ZFYVE28: variants seen among roughly 807,000 people sequenced by gnomAD.
The protein encoded by ZFYVE28 is lateral signaling target protein 2 homolog.
A neutral mutation model predicts 82.1 loss-of-function variants in ZFYVE28; 40 were observed. That is an observed-to-expected ratio of 0.49 (90% CI 0.38 to 0.63). The LOEUF (loss-of-function observed/expected upper bound fraction) is 0.63, where lower values mean the gene tolerates loss of function less well. Ranked by LOEUF, ZFYVE28 falls within the 30% of genes least tolerant of loss-of-function variation. ZFYVE28 has a pLI of 0.00. For synonymous variants in ZFYVE28, 612 were observed against 546.1 expected (o/e 1.12, Z -1.68); for missense variants, 1,321 against 1,242.1 (o/e 1.06, Z -0.96).
At chr4:2,334,336 G>A (rs771086939) in intron 6 of ZFYVE28, among the ~76,000 whole-genome samples, 29 of 151,986 alleles carry the variant, frequency 1.9e-4, no homozygotes, top group Non-Finnish European at 3.1e-4. Flanking sequence ...GACTGGCCCC[G>A]GCAGCAGCCC....
chr4:2,409,020 C>G lies in ZFYVE28; in HGVS notation c.39+9265G>C, dbSNP rs1271689456. On this transcript the variant is annotated intron_variant, in intron 1 of 12. Transcript: ENST00000290974. This position sits in a 1 kb window ranked among gnomAD's most constrained non-coding sequence, Gnocchi z 4.4. Reference sequence around the variant, plus strand: ...AAAATGTTTTTGTGATTTTATCCAACATGCCTGGGCATCTCGCAGTGGGGA... The same window carrying G: ...AAAATGTTTTTGTGATTTTATCCAAGATGCCTGGGCATCTCGCAGTGGGGA... 2.0e-5 allele frequency among the ~76,000 whole-genome samples: 3 copies of G among 152,176 alleles called. No individual in the cohort carries two copies. The highest frequency in any genetic ancestry group is 4.4e-5 in the Non-Finnish European group (3 of 68,026).
intron 1 of ZFYVE28, among the ~76,000 whole-genome samples, chr4:2,359,289 C>A (rs1725788748): frequency 6.6e-6 from 1 of 151,930 alleles, no homozygotes; most frequent in African/African-American, 2.4e-5. Flanking sequence ...CCAAGGCCAG[C>A]CAATTTTTGT....
At chr4:2,316,705 T>C (rs2108834360) in intron 7 of ZFYVE28, among the ~76,000 whole-genome samples, 1 of 152,058 alleles carries the variant, frequency 6.6e-6, no homozygotes, top group East Asian at 1.9e-4. Flanking sequence ...CTCTCTTTTT[T>C]TTTTTGAGAT....
At chr4:2,301,604 G>A (rs1055594734) in intron 8 of ZFYVE28, among the ~76,000 whole-genome samples, 15 of 152,298 alleles carry the variant, frequency 9.8e-5, no homozygotes, top group Admixed American at 3.3e-4. Flanking sequence ...CTCACGCCAG[G>A]AAGGTGGGAG....
At position 2,371,357 on chromosome 4, in the gene ZFYVE28, C is replaced by T. The variant is rs73793738; in HGVS notation, c.40-17284G>A. 4.0e-3 allele frequency among the ~76,000 whole-genome samples: 588 copies of T among 147,552 alleles called. 6 individuals carry two copies. Among genetic ancestry groups the T allele is most frequent in the African/African-American group, 0.014 (565 of 40,412 alleles). On this transcript the variant is annotated intron_variant, in intron 1 of 12. Transcript: ENST00000290974. Reference sequence around the variant, plus strand: ...TAGAAGCATTTGACTTATAAAGGTGCCCGCCACTAACAGATGATTAAGACG... The same window carrying T: ...TAGAAGCATTTGACTTATAAAGGTGTCCGCCACTAACAGATGATTAAGACG...
chr4:2,274,303 T>G, intron 8 of ZFYVE28, 87 bp from the exon 9 acceptor site: 1 of 1,495,508 alleles, frequency 6.7e-7, no homozygotes, highest in Non-Finnish European at 8.9e-7. Context: ...GACAAAAGTC[T>G]GTGTCCTCGC....
At chr4:2,328,723 T>G (rs1720241465) in intron 6 of ZFYVE28, 1 of 177,810 alleles carries the variant, frequency 5.6e-6, no homozygotes, top group African/African-American at 2.3e-5. Flanking sequence ...ACATTCAGAC[T>G]GGTATTTTAC....
chr4:2,350,837 G>C (rs112454121), intron 2 of ZFYVE28, among the ~76,000 whole-genome samples: 1 of 152,238 alleles, frequency 6.6e-6, no homozygotes, highest in African/African-American at 2.4e-5. Context: ...ACATCCGCCT[G>C]CCAGGAGAAG....
At chr4:2,405,221 T>C (rs1040705762) in intron 1 of ZFYVE28, among the ~76,000 whole-genome samples, 3 of 152,052 alleles carry the variant, frequency 2.0e-5, no homozygotes, top group African/African-American at 7.2e-5. Context: ...AGAGAAGCCA[T>C]GTGTCTTCCC....
At chr4:2,405,293 C>T (rs1203201556) in intron 1 of ZFYVE28, among the ~76,000 whole-genome samples, 1 of 152,220 alleles carries the variant, frequency 6.6e-6, no homozygotes, top group Non-Finnish European at 1.5e-5. Context: ...TTTCCATTCT[C>T]TCCCCACAGT....
chr4:2,398,460 T>C (rs1730723520), intron 1 of ZFYVE28, among the ~76,000 whole-genome samples: 3 of 152,160 alleles, frequency 2.0e-5, no homozygotes, highest in African/African-American at 4.8e-5. Flanking sequence ...GGAGAGGTCA[T>C]GGCAGGTTTT....
At chr4:2,349,860 G>A (rs1198657572) in intron 2 of ZFYVE28, among the ~76,000 whole-genome samples, 2 of 152,116 alleles carry the variant, frequency 1.3e-5, no homozygotes, top group African/African-American at 2.4e-5. Context: ...CTATGAGTAG[G>A]TGGCAACTGC....
chr4:2,412,875 G>T (rs1732664079), intron 1 of ZFYVE28, among the ~76,000 whole-genome samples: 1 of 152,200 alleles, frequency 6.6e-6, no homozygotes, highest in Non-Finnish European at 1.5e-5. Flanking sequence ...AAGACACTCA[G>T]CCTGTGGGGC....
intron 1 of ZFYVE28, among the ~76,000 whole-genome samples, chr4:2,369,326 A>G (rs1301991600): frequency 2.6e-5 from 4 of 152,186 alleles, no homozygotes; most frequent in African/African-American, 7.2e-5. Flanking sequence ...CACCAAAGCC[A>G]TGGGCAAGTG....
chr4:2,374,660 GA>G (rs1296828642), intron 1 of ZFYVE28, among the ~76,000 whole-genome samples: 1 of 151,652 alleles, frequency 6.6e-6, no homozygotes, highest in Admixed American at 6.6e-5. Context: ...GGAGGAGGGG[GA>G]AAATTGGTTT....
intron 8 of ZFYVE28, among the ~76,000 whole-genome samples, chr4:2,288,264 T>C (rs7695321): frequency 0.088 from 13,447 of 152,178 alleles, 991 homozygotes; most frequent in African/African-American, 0.2. Flanking sequence ...AGGGCCTCCA[T>C]CTCCTAAGCC....
At chr4:2,398,036 A>AG (rs11444538) in intron 1 of ZFYVE28, among the ~76,000 whole-genome samples, 102,401 of 121,906 alleles carry the variant, frequency 0.84, 42,465 homozygotes, top group Admixed American at 0.89. Flanking sequence ...GTGAGATGGG[A>AG]GGGGGGGTCC....
At chr4:2,308,704 A>G (rs957256126) in intron 7 of ZFYVE28, among the ~76,000 whole-genome samples, 1 of 124,626 alleles carries the variant, frequency 8.0e-6, no homozygotes, top group Admixed American at 7.7e-5. Context: ...AAAGAAAAGA[A>G]AAAAGAAAAG....
chr4:2,357,956 C>T (rs887810746), intron 1 of ZFYVE28, among the ~76,000 whole-genome samples: 4 of 152,216 alleles, frequency 2.6e-5, no homozygotes, highest in African/African-American at 9.6e-5. Flanking sequence ...GAGGAGACGG[C>T]TCAGCCACAA....
Sources: allele counts gnomAD v4.1 joint callset (sites outside exome capture counted in the v4.1 genomes callset), GRCh38; gene constraint gnomAD v4.1.1; non-coding constraint Gnocchi (gnomAD v3.1); transcripts MANE v1.5; gene names NCBI Gene and HGNC (gene_info 2026-07-23, HGNC 2026-07-21).